Variants in PRKN observed in about 807,000 individuals in gnomAD.
PRKN encodes the protein parkin RBR E3 ubiquitin protein ligase, also known as E3 ubiquitin-protein ligase parkin.
In PRKN, 56 loss-of-function variants were observed where a neutral mutation model predicts 59.5. That is an observed-to-expected ratio of 0.94 (90% CI 0.76 to 1.18). PRKN has a LOEUF of 1.18. Ranked by LOEUF, PRKN falls within the 50% of genes most tolerant of loss-of-function variation. The pLI, the probability that PRKN is intolerant of heterozygous loss-of-function variation, is 0.00. For synonymous variants in PRKN, 250 were observed against 222.1 expected, an observed-to-expected ratio of 1.13 and a Z score of -1.12; for missense variants, 657 against 596.4, an observed-to-expected ratio of 1.10 and a Z score of -1.06.
intron 1 of PRKN, among the ~76,000 whole-genome samples, chr6:162,483,558 A>ACGT (rs1792400797): frequency 9.4e-6 from 1 of 106,546 alleles, no homozygotes; most frequent in African/African-American, 4.1e-5. Flanking sequence ...GGACGTAGGG[A>ACGT]AGGAGGGAGA....
At chr6:161,676,733 G>T (rs1477498890) in intron 7 of PRKN, among the ~76,000 whole-genome samples, 1 of 152,142 alleles carries the variant, frequency 6.6e-6, no homozygotes, top group Non-Finnish European at 1.5e-5. Flanking sequence ...GTCAAAGGCT[G>T]GCCTGTTTTG....
chr6:162,380,870 T>C (rs1449550301), intron 2 of PRKN, among the ~76,000 whole-genome samples: 1 of 152,106 alleles, frequency 6.6e-6, no homozygotes, highest in Non-Finnish European at 1.5e-5. Context: ...TCTGTATCAC[T>C]GGACCTATGG....
chr6:161,908,371 C>T (rs1778229408), intron 6 of PRKN, among the ~76,000 whole-genome samples: 1 of 152,140 alleles, frequency 6.6e-6, no homozygotes, highest in Admixed American at 6.5e-5. Flanking sequence ...TATGTTCCTT[C>T]TCCTCTCCTG....
intron 6 of PRKN, among the ~76,000 whole-genome samples, chr6:161,929,866 A>G (rs921002613): frequency 6.6e-6 from 1 of 152,230 alleles, no homozygotes; most frequent in Non-Finnish European, 1.5e-5. Flanking sequence ...ATGAAGCCCA[A>G]GAATAATGTC....
At chr6:161,599,018 A>C (rs1782016430) in intron 7 of PRKN, among the ~76,000 whole-genome samples, 1 of 152,198 alleles carries the variant, frequency 6.6e-6, no homozygotes, top group South Asian at 2.1e-4. Context: ...ATGTGATAAC[A>C]GATCAGCTGT....
chr6:162,112,980 T>A (rs1780507071), intron 4 of PRKN, among the ~76,000 whole-genome samples: 1 of 152,100 alleles, frequency 6.6e-6, no homozygotes, highest in African/African-American at 2.4e-5. Flanking sequence ...GAGAACTGAT[T>A]CACCGATTTC....
At position 162,163,279 on chromosome 6, in the gene PRKN, A is replaced by G. The variant is rs1351245738; in HGVS notation, c.534+37852T>C. ...ACATCTCACTTATTAAACGGCATCT[A>G]TGGAATTATGCCAAACACATTTATC... On this transcript the variant is annotated intron_variant, in intron 4 of 11. Transcript: ENST00000366898. Among the ~76,000 whole-genome samples, 3 of 149,262 alleles carry G rather than the reference A, an allele frequency of 2.0e-5. 1 individual carries two copies. The highest frequency in any genetic ancestry group is 7.6e-5 in the African/African-American group (3 of 39,700).
chr6:162,313,565 G>A (rs1168612958), intron 2 of PRKN, among the ~76,000 whole-genome samples: 1 of 151,880 alleles, frequency 6.6e-6, no homozygotes, highest in Non-Finnish European at 1.5e-5. Context: ...TTGGCTCACT[G>A]CAACCTCCAC....
chr6:162,206,701 G>A (rs1397916640), intron 3 of PRKN, among the ~76,000 whole-genome samples: 1 of 152,114 alleles, frequency 6.6e-6, no homozygotes, highest in East Asian at 1.9e-4. Flanking sequence ...TCTGGACCCG[G>A]GACAGGGATC....
In PRKN at chr6:162,262,782, T is replaced by TTAA; in HGVS notation, c.172-18_172-17insTTA. 2.1e-5 allele frequency: 28 copies of TTAA among 1,360,250 alleles called. No homozygotes were observed. In the South Asian group the frequency reaches 2.7e-4, roughly 13 times the overall value. The allele number at this position is 1,360,250 out of a possible 1,614,324, so 84.3% of individuals were successfully genotyped here. A position where few individuals can be genotyped will look rare whatever the true frequency, so the allele number is the denominator to read the frequency against. On this transcript the variant is annotated splice_polypyrimidine_tract_variant and intron_variant, in intron 2 of 11. Coordinates refer to ENST00000366898, the MANE Select transcript of PRKN (RefSeq NM_004562.3). ...GTCACAATTCTGTTTGGGAGCAAGG[T>TTAA]AAAAAAAAAAAAAAAAAAAAAGGAA...
intron 4 of PRKN, among the ~76,000 whole-genome samples, chr6:162,149,419 A>G (rs866655058): frequency 6.6e-6 from 1 of 151,916 alleles, no homozygotes; most frequent in East Asian, 1.9e-4. Context: ...TAAGTTTTGC[A>G]TTTTTAGTAG....
At chr6:162,063,547 C>A (rs1778193629) in intron 4 of PRKN, among the ~76,000 whole-genome samples, 1 of 151,778 alleles carries the variant, frequency 6.6e-6, no homozygotes, top group Non-Finnish European at 1.5e-5. Context: ...TTTGGAATTT[C>A]TTTCTTTTTT....
At chr6:162,400,412 T>C (rs1000113007) in intron 2 of PRKN, among the ~76,000 whole-genome samples, 12 of 92,804 alleles carry the variant, frequency 1.3e-4, no homozygotes, top group Non-Finnish European at 2.0e-4. Flanking sequence ...TGTGGAGAAA[T>C]AAATCAGACT....
chr6:162,447,276 A>C (rs571734247), intron 1 of PRKN, among the ~76,000 whole-genome samples: 1 of 152,144 alleles, frequency 6.6e-6, no homozygotes, highest in African/African-American at 2.4e-5. Context: ...TACTAAATAA[A>C]GTAGCCAATT....
intron 1 of PRKN, among the ~76,000 whole-genome samples, chr6:162,604,682 GTTTC>G (rs1781840717): frequency 7.0e-6 from 1 of 142,686 alleles, no homozygotes; most frequent in East Asian, 2.1e-4. Context: ...CACAGGCCCT[GTTTC>G]TTTCTCTCTC....
intron 6 of PRKN, among the ~76,000 whole-genome samples, chr6:161,874,136 TATGTAAA>T (rs1214871724): frequency 3.2e-3 from 160 of 50,600 alleles, no homozygotes; most frequent in East Asian, 4.7e-3. Context: ...ATATATATTA[TATGTAAA>T]ATATAATATA....
At position 161,731,012 on chromosome 6, in the gene PRKN, G is replaced by A. The variant is rs933746751; in HGVS notation, c.871+54760C>T. The stretch of plus-strand genomic sequence containing the variant: ...GCAGCCTGATGTGTTGCATTCTGAA[G>A]TGCTGCATTCGTTCTGATATCTTGC... On this transcript the variant is annotated intron_variant, in intron 7 of 11. Transcript: ENST00000366898. Among the ~76,000 whole-genome samples the A allele has an allele frequency of 3.3e-5, 5 of 151,758 alleles. No individual in the cohort carries two copies. The East Asian group carries it at 9.7e-4, about 29-fold the overall frequency.
chr6:162,296,816 G>A (rs1268335676), intron 2 of PRKN, among the ~76,000 whole-genome samples: 2 of 152,132 alleles, frequency 1.3e-5, no homozygotes, highest in Non-Finnish European at 2.9e-5. Context: ...AAAATAATCA[G>A]AATGTCTTCA....
At chr6:162,457,949 G>A (rs542616220) in intron 1 of PRKN, among the ~76,000 whole-genome samples, 105 of 151,960 alleles carry the variant, frequency 6.9e-4, no homozygotes, top group East Asian at 2.9e-3. Flanking sequence ...ACAAAACCCC[G>A]TCTCTAATAA....
Sources: allele counts gnomAD v4.1 joint callset (sites outside exome capture counted in the v4.1 genomes callset), GRCh38; gene constraint gnomAD v4.1.1; transcripts MANE v1.5; gene names NCBI Gene and HGNC (gene_info 2026-07-23, HGNC 2026-07-21).